The following PALS2 variants were observed in gnomAD, a reference collection of about 807,000 sequenced individuals.
PALS2 encodes the protein protein associated with LIN7 2, MAGUK p55 family member.
Under a neutral mutation model 61.6 loss-of-function variants are expected in PALS2, and 27 were observed. The observed-to-expected ratio is 0.44, with a 90% confidence interval of 0.32 to 0.60. PALS2 has a LOEUF of 0.60. Among genes scored for constraint, PALS2 ranks in the 20% least tolerant of loss-of-function variants. The probability of loss-of-function intolerance (pLI) is 0.05; values close to 1 mark genes in which losing one functional copy is unlikely to be tolerated. For synonymous variants in PALS2, 236 were observed against 218.6 expected, an observed-to-expected ratio of 1.08 and a Z score of -0.70; for missense variants, 554 against 639.4, an observed-to-expected ratio of 0.87 and a Z score of 1.44.
chr7:24,651,932 G>A (rs1286945442), intron 5 of PALS2, among the ~76,000 whole-genome samples: 1 of 152,070 alleles, frequency 6.6e-6, no homozygotes, highest in Non-Finnish European at 1.5e-5. Flanking sequence ...ATTAATATTA[G>A]CATGTAAATT....
chr7:24,585,711 T>TA (rs1227829612), intron 1 of PALS2, among the ~76,000 whole-genome samples: 1 of 152,142 alleles, frequency 6.6e-6, no homozygotes, highest in Non-Finnish European at 1.5e-5. Context: ...ATTTATTTAT[T>TA]TTTTTGAGAC....
chr7:24,660,829 A>AG (rs1786679910), intron 5 of PALS2, among the ~76,000 whole-genome samples: 1 of 152,212 alleles, frequency 6.6e-6, no homozygotes, highest in African/African-American at 2.4e-5. Flanking sequence ...CCATTCTTCC[A>AG]CAAGCCTATT....
intron 1 of PALS2, among the ~76,000 whole-genome samples, chr7:24,613,947 A>G (rs1784202716): frequency 6.6e-6 from 1 of 151,902 alleles, no homozygotes; most frequent in Non-Finnish European, 1.5e-5. Context: ...ATAGTATTCC[A>G]TTATGTATAT....
chr7:24,644,623 T>G (rs576929517), intron 3 of PALS2, among the ~76,000 whole-genome samples: 2 of 152,230 alleles, frequency 1.3e-5, no homozygotes, highest in South Asian at 4.1e-4. Flanking sequence ...ATGCATGTCT[T>G]TATGGTAGGA....
intron 1 of PALS2, among the ~76,000 whole-genome samples, chr7:24,620,398 A>G (rs1784449530): frequency 6.6e-6 from 1 of 152,220 alleles, no homozygotes; most frequent in South Asian, 2.1e-4. Flanking sequence ...AACTAATTTG[A>G]GAATGATTGA....
intron 2 of PALS2, among the ~76,000 whole-genome samples, chr7:24,638,251 T>C (rs1488003552): frequency 6.6e-6 from 1 of 151,526 alleles, no homozygotes; most frequent in African/African-American, 2.4e-5. Context: ...TATGTTGGTT[T>C]TCCATGTTAA....
chr7:24,629,696 A>G (rs1385252509), intron 2 of PALS2, among the ~76,000 whole-genome samples: 1 of 152,222 alleles, frequency 6.6e-6, no homozygotes, highest in African/African-American at 2.4e-5. Flanking sequence ...TCAAAAGAAG[A>G]CATTTATGCA....
In PALS2 at chr7:24,691,527, G is replaced by A. The variant is rs1480122615; in HGVS notation, c.*3913G>A. 2.0e-5 allele frequency: 3 copies of A among 148,584 alleles called. No homozygotes were observed. Among genetic ancestry groups the A allele is most frequent in the Admixed American group, 6.7e-5 (1 of 14,848 alleles). The allele number at this position is 148,584 out of a possible 1,614,324, so 9.2% of individuals were successfully genotyped here. On this transcript the variant is annotated 3_prime_UTR_variant, in exon 12 of 12. Transcript: ENST00000222644. ...GTATTCATTCATGTAATTATAACTA[G>A]CATTCTAAAATTTTTAATTACTCCC... is the stretch of plus-strand genomic sequence containing the variant.
rs1787791623 is a variant in PALS2, at chr7:24,679,278, C to G, written c.1262C>G (p.Ser421Cys). Residue 421 changes from serine (S) to cysteine (C), a missense_variant, in exon 10 of 12, where the codon TCT (serine) becomes TGT (cysteine). Coordinates refer to ENST00000222644, the MANE Select transcript of PALS2 (RefSeq NM_001303037.2). ...AATCTCTATGGAACCAAAATTGATT[C>G]TATTCTTGAGGTTGTCCAAACTGGA... ...EGNLYGTKID[S>C]ILEVVQTGRT... is the part of the protein sequence containing the mutation. 7 of 1,614,054 alleles carry G rather than the reference C, an allele frequency of 4.3e-6. No homozygotes were observed. Among genetic ancestry groups the G allele is most frequent in the Middle Eastern group, 3.3e-4 (2 of 6,062 alleles).
intron 1 of PALS2, among the ~76,000 whole-genome samples, chr7:24,617,866 G>T (rs1422067336): frequency 2.0e-5 from 3 of 152,200 alleles, no homozygotes; most frequent in African/African-American, 4.8e-5. Flanking sequence ...GAGACACAAT[G>T]CCTGGGTTGG....
At chr7:24,632,167 A>G (rs1343318827) in intron 2 of PALS2, among the ~76,000 whole-genome samples, 3 of 152,086 alleles carry the variant, frequency 2.0e-5, no homozygotes, top group African/African-American at 7.2e-5. Context: ...ATATCATCTC[A>G]GAGAATCAAC....
At chr7:24,635,491 C>G (rs1328918005) in intron 2 of PALS2, among the ~76,000 whole-genome samples, 2 of 152,068 alleles carry the variant, frequency 1.3e-5, no homozygotes, top group Admixed American at 1.3e-4. Flanking sequence ...GTCATGTCAT[C>G]TGAATATAGA....
intron 2 of PALS2, among the ~76,000 whole-genome samples, chr7:24,641,063 C>T (rs999122454): frequency 3.4e-5 from 5 of 145,476 alleles, no homozygotes; most frequent in Non-Finnish European, 6.0e-5. Flanking sequence ...GTGTGGTTGA[C>T]GGTCTATTTT....
At chr7:24,632,328 A>C (rs1214023354) in intron 2 of PALS2, among the ~76,000 whole-genome samples, 1 of 152,140 alleles carries the variant, frequency 6.6e-6, no homozygotes, top group Non-Finnish European at 1.5e-5. Context: ...TAATCTCTCT[A>C]TATCTTTGTA....
At chr7:24,667,654 T>C (rs1042703278) in intron 8 of PALS2, among the ~76,000 whole-genome samples, 2 of 142,178 alleles carry the variant, frequency 1.4e-5, no homozygotes, top group African/African-American at 5.2e-5. Flanking sequence ...CTTGATTAGA[T>C]AAATTTTTTT....
chr7:24,608,135 A>G (rs937013668), intron 1 of PALS2, among the ~76,000 whole-genome samples: 3 of 152,146 alleles, frequency 2.0e-5, no homozygotes, highest in Non-Finnish European at 4.4e-5. Context: ...TTTTTTACTC[A>G]CTGTTCATCA....
intron 2 of PALS2, among the ~76,000 whole-genome samples, chr7:24,639,965 C>T (rs925925729): frequency 6.6e-6 from 1 of 151,782 alleles, no homozygotes; most frequent in Non-Finnish European, 1.5e-5. Context: ...TACAGGCGTC[C>T]ACCACCATGC....
At chr7:24,662,598 G>A (rs149902857) in intron 5 of PALS2, among the ~76,000 whole-genome samples, 9,956 of 151,770 alleles carry the variant, frequency 0.066, 382 homozygotes, top group African/African-American at 0.1. Context: ...GTGAAACCTG[G>A]TCTCTACTAA....
intron 1 of PALS2, among the ~76,000 whole-genome samples, chr7:24,613,056 G>A (rs1024646894): frequency 4.6e-5 from 7 of 151,512 alleles, no homozygotes; most frequent in South Asian, 4.1e-4. Context: ...ATGAGTTTGG[G>A]TTTTTTCCTT....
Sources: allele counts gnomAD v4.1 joint callset (sites outside exome capture counted in the v4.1 genomes callset), GRCh38; gene constraint gnomAD v4.1.1; transcripts MANE v1.5; gene names NCBI Gene and HGNC (gene_info 2026-07-23, HGNC 2026-07-21).